Variants in BAZ1B observed in about 807,000 individuals in gnomAD.
BAZ1B encodes the protein bromodomain adjacent to zinc finger domain 1B.
A neutral mutation model predicts 153.8 loss-of-function variants in BAZ1B; 22 were observed. The ratio of observed to expected loss-of-function variants is 0.14; its 90% CI spans 0.10 to 0.20. The LOEUF (loss-of-function observed/expected upper bound fraction) is 0.20. BAZ1B is among the 10% of genes least tolerant of loss of function. BAZ1B has a pLI of 1.00. For missense variants in BAZ1B, 1,325 were observed against 1,799.3 expected (o/e 0.74, Z 4.77); for synonymous variants, 676 against 633.4 (o/e 1.07, Z -1.01).
rs897295863 is a variant in BAZ1B at position 73,466,823 on chromosome 7, T to G, written c.2867-422A>C. 3.3e-5 allele frequency among the ~76,000 whole-genome samples: 5 copies of G among 152,358 alleles called. No individual in the cohort carries two copies. In the South Asian group the frequency reaches 6.2e-4, roughly 19 times the overall value. On this transcript the variant is annotated intron_variant, in intron 9 of 19. Coordinates refer to ENST00000339594, the MANE Select transcript of BAZ1B (RefSeq NM_032408.4). ...CAAGTGTCAAATAATACAACTAACTTTTTTGTAAATCAGTTCCTATATACT... is the reference window on the plus strand; with the variant it reads ...CAAGTGTCAAATAATACAACTAACTGTTTTGTAAATCAGTTCCTATATACT...
chr7:73,506,392 G>T (rs186735399), intron 3 of BAZ1B, among the ~76,000 whole-genome samples: 1 of 151,936 alleles, frequency 6.6e-6, no homozygotes, highest in East Asian at 1.9e-4. Flanking sequence ...CCAGCTACTC[G>T]GGAGGCTGAG....
chr7:73,501,361 A>G (rs1790126524), intron 3 of BAZ1B, among the ~76,000 whole-genome samples: 1 of 152,166 alleles, frequency 6.6e-6, no homozygotes, highest in Non-Finnish European at 1.5e-5. Context: ...TGATACTACC[A>G]TTCCCACCAT....
At chr7:73,449,860 AT>A (rs1485252720) in intron 14 of BAZ1B, among the ~76,000 whole-genome samples, 171 bp from the exon 15 acceptor site, 3 of 152,274 alleles carry the variant, frequency 2.0e-5, no homozygotes, top group African/African-American at 7.2e-5. Flanking sequence ...GAAATGAAGC[AT>A]AACTTAGATT....
rs934874256 is a variant in BAZ1B, at chr7:73,478,415, G to A, written c.1046C>T (p.Ser349Leu). ...HVHLKKSLSG[S>L]PLKVKNSKNS... is the part of the protein sequence containing the mutation. ...CTTTGAGTTCTTCACTTTGAGTGGC[G>A]AGCCACTCAATGACTTCTTCAAGTG... Residue 349 changes from serine (S) to leucine (L), a missense_variant, in exon 7 of 20, where the codon TCG becomes TTG. By Grantham distance (145) the Ser-to-Leu change is moderately radical (BLOSUM62 -2). Transcript: ENST00000339594. 5 of 1,612,264 alleles carry A rather than the reference G, an allele frequency of 3.1e-6. No homozygotes were observed. The highest frequency in any genetic ancestry group is 1.3e-5 in the African/African-American group (1 of 74,736).
At chr7:73,471,485 T>A (rs1788801725) in intron 7 of BAZ1B, among the ~76,000 whole-genome samples, 2 of 152,170 alleles carry the variant, frequency 1.3e-5, no homozygotes, top group South Asian at 4.1e-4. Context: ...TACATGGCAA[T>A]GCTATTTACA....
intron 3 of BAZ1B, among the ~76,000 whole-genome samples, chr7:73,502,033 G>A (rs1432886973): frequency 6.6e-6 from 1 of 151,888 alleles, no homozygotes; most frequent in African/African-American, 2.4e-5. Flanking sequence ...TGGGACTACA[G>A]GCACGCGCCA....
At chr7:73,510,610 C>G in intron 2 of BAZ1B, 126 bp downstream of exon 2, 2 of 891,368 alleles carry the variant, frequency 2.2e-6, no homozygotes, top group Non-Finnish European at 3.6e-6. Flanking sequence ...CCATACAGTA[C>G]ACTAATGTAA....
At chr7:73,461,908 A>AG (rs1170340163) in intron 12 of BAZ1B, among the ~76,000 whole-genome samples, 1 of 152,218 alleles carries the variant, frequency 6.6e-6, no homozygotes, top group African/African-American at 2.4e-5. Flanking sequence ...AGGGCAACAT[A>AG]GTGAGATTTT....
chr7:73,467,134 T>C (rs1344938854), intron 9 of BAZ1B, among the ~76,000 whole-genome samples: 3 of 152,120 alleles, frequency 2.0e-5, no homozygotes, highest in East Asian at 1.9e-4. Flanking sequence ...GGTTTCACCA[T>C]GTTGGCCAGG....
At position 73,466,325 on chromosome 7, in the gene BAZ1B, T is replaced by G. The variant is rs200636830; in HGVS notation, c.2943A>C (p.Thr981=). 3 of 1,613,560 alleles carry G rather than the reference T, an allele frequency of 1.9e-6. No homozygotes were observed. Among genetic ancestry groups the G allele is most frequent in the Non-Finnish European group, 8.5e-7 (1 of 1,179,604 alleles). ...HGTATEVAVE[T]TTPKQGQNLW... ...GGTTCTGTCCTTGTTTGGGTGTGGTTGTCTCTACAGCAACTTCTGTTGCTG... is the reference window on the plus strand; with the variant it reads ...GGTTCTGTCCTTGTTTGGGTGTGGTGGTCTCTACAGCAACTTCTGTTGCTG... Residue 981 remains threonine (T), a synonymous_variant, in exon 10 of 20, where the codon ACA becomes ACC. Coordinates refer to ENST00000339594, the MANE Select transcript of BAZ1B (RefSeq NM_032408.4).
chr7:73,465,891 T>C (rs1554571104), intron 10 of BAZ1B, among the ~76,000 whole-genome samples: 1 of 152,170 alleles, frequency 6.6e-6, no homozygotes, highest in Non-Finnish European at 1.5e-5. Flanking sequence ...GTAGAATGGA[T>C]CCTCTAAAAC....
At chr7:73,492,998 T>A in intron 4 of BAZ1B, 77 bp from the exon 5 acceptor site, 1 of 1,450,818 alleles carries the variant, frequency 6.9e-7, no homozygotes, top group East Asian at 2.3e-5. Flanking sequence ...AAGTCTTAAC[T>A]GAACGTCTGC....
rs1554573082 is a variant in BAZ1B at position 73,477,783 on chromosome 7, CCTTCAA to C, written c.1672_1677del (p.Leu558_Lys559del). On this transcript the variant is annotated inframe_deletion, in exon 7 of 20. Transcript: ENST00000339594. The surrounding 1 kb of genome is among the most constrained non-coding windows in gnomAD (Gnocchi z 5.6). ...TTCTCTCTTCGTTCTTTGGCTTTTT[CCTTCAA>C]CTTCTTTTTCAGCTCCTCCCGTTTC... 6.2e-7 allele frequency: 1 copy of C among 1,614,132 alleles called. No homozygotes were observed. Among genetic ancestry groups the C allele is most frequent in the Admixed American group, 1.7e-5 (1 of 60,004 alleles).
intron 2 of BAZ1B, among the ~76,000 whole-genome samples, chr7:73,509,668 C>T (rs559079760): frequency 5.6e-4 from 85 of 152,128 alleles, no homozygotes; most frequent in African/African-American, 1.9e-3. Context: ...CATACCACTG[C>T]ACTCCACCCT....
Position 73,520,210 on chromosome 7 carries a change from CA to C in BAZ1B, c.107+1616del, listed in dbSNP as rs1158487602. On this transcript the variant is annotated intron_variant, in intron 1 of 19. Transcript: ENST00000339594. ...GGTTAACAAGAGGGAAACTCCGTCTCAAAAAAAAAAAAAAAAAAAAGTGGGG... is the reference window on the plus strand; with the variant it reads ...GGTTAACAAGAGGGAAACTCCGTCTCAAAAAAAAAAAAAAAAAAAGTGGGG... Among the ~76,000 whole-genome samples the C allele has an allele frequency of 7.0e-3, 399 of 57,402 alleles. 2 individuals are homozygous for C. The highest frequency in any genetic ancestry group is 0.048 in the East Asian group (89 of 1,844). The allele number at this position is 57,402 out of a possible 152,430, so 37.7% of individuals were successfully genotyped here. A position where few individuals can be genotyped will look rare whatever the true frequency, so the allele number is the denominator to read the frequency against.
chr7:73,503,006 T>C (rs1482071060), intron 3 of BAZ1B, among the ~76,000 whole-genome samples: 3 of 152,214 alleles, frequency 2.0e-5, no homozygotes, highest in African/African-American at 7.2e-5. Context: ...TGTTTATCCA[T>C]TCAACTACTG....
intron 17 of BAZ1B, among the ~76,000 whole-genome samples, 158 bp downstream of exon 17, chr7:73,443,826 C>T (rs782800270): frequency 1.3e-5 from 2 of 152,210 alleles, no homozygotes; most frequent in South Asian, 2.1e-4. Context: ...CTTCTGTCTG[C>T]GTACAGGCTC....
intron 7 of BAZ1B, among the ~76,000 whole-genome samples, chr7:73,473,061 C>G (rs1436036668): frequency 1.3e-5 from 2 of 152,218 alleles, no homozygotes; most frequent in Admixed American, 1.3e-4. Flanking sequence ...CCTGCCTCAG[C>G]ATCCTGAGTA....
At position 73,478,347 on chromosome 7, in the gene BAZ1B, T is replaced by C. The variant is rs148035234; in HGVS notation, c.1114A>G (p.Met372Val). ...PEEHLEEMMKMMSPNKLHTNF... is the reference protein window; with the variant it reads ...PEEHLEEMMKVMSPNKLHTNF... ...GTGTGCAGCTTATTGGGCGACATCA[T>C]CTTCATCATTTCTTCTAGATGTTCT... Residue 372 changes from methionine to valine, a missense_variant, in exon 7 of 20, where the codon ATG (methionine) becomes GTG (valine). Met to Val is a conservative substitution (Grantham distance 21). Transcript: ENST00000339594. The C allele has an allele frequency of 8.7e-6, 14 of 1,612,638 alleles. No homozygotes were observed. The African/African-American group carries it at 1.6e-4, about 18-fold the overall frequency.
Sources: allele counts gnomAD v4.1 joint callset (sites outside exome capture counted in the v4.1 genomes callset), GRCh38; gene constraint gnomAD v4.1.1; non-coding constraint Gnocchi (gnomAD v3.1); transcripts MANE v1.5; gene names NCBI Gene and HGNC (gene_info 2026-07-23, HGNC 2026-07-21).